CFAP263: variants seen among roughly 807,000 people sequenced by gnomAD.
CFAP263 encodes the protein cilia- and flagella-associated protein 263.
chr16:58,283,806 T>C, the CFAP263 span: 1 of 152,246 alleles, frequency 6.6e-6, no homozygotes, highest in East Asian at 1.9e-4. Flanking sequence ...CAGTCCTTCA[T>C]GTTTTGCAAT....
At chr16:58,266,405 A>ATTTT in the CFAP263 span, among the ~76,000 whole-genome samples, 7 of 31,442 alleles carry the variant, frequency 2.2e-4, no homozygotes, top group Non-Finnish European at 3.4e-4. Flanking sequence ...ATATATATAT[A>ATTTT]TTTTTTTTTT....
the CFAP263 span, chr16:58,280,507 GA>G: frequency 6.2e-7 from 1 of 1,614,200 alleles, no homozygotes; most frequent in Non-Finnish European, 8.5e-7. Context: ...TTCAGAATCA[GA>G]ATATGTCTTC....
chr16:58,261,129 G>A, the CFAP263 span, among the ~76,000 whole-genome samples: 1 of 152,186 alleles, frequency 6.6e-6, no homozygotes, highest in Non-Finnish European at 1.5e-5. Flanking sequence ...CAAGCCAGAT[G>A]TCAGGAATAG....
At chr16:58,282,628 C>T in the CFAP263 span, 1 of 152,390 alleles carries the variant, frequency 6.6e-6, no homozygotes, top group East Asian at 1.9e-4. Context: ...TTGAGGACTT[C>T]ATTCTGTGCC....
At chr16:58,263,375 T>A in the CFAP263 span, among the ~76,000 whole-genome samples, 84,624 of 152,134 alleles carry the variant, frequency 0.56, 24,001 homozygotes, top group African/African-American at 0.64. Flanking sequence ...GTACTCAGTT[T>A]TTATATTTTG....
At chr16:58,267,928 A>G in the CFAP263 span, among the ~76,000 whole-genome samples, 11 of 152,194 alleles carry the variant, frequency 7.2e-5, no homozygotes, top group South Asian at 1.9e-3. Context: ...TAATGCCCGT[A>G]GTAATGTACC....
the CFAP263 span, chr16:58,258,393 G>T: frequency 1.2e-6 from 2 of 1,613,988 alleles, no homozygotes; most frequent in Non-Finnish European, 1.7e-6. Flanking sequence ...GCTGAAATTC[G>T]ATGGAGTGAA....
At chr16:58,252,509 A>G in the CFAP263 span, among the ~76,000 whole-genome samples, 1 of 152,164 alleles carries the variant, frequency 6.6e-6, no homozygotes, top group East Asian at 1.9e-4. Flanking sequence ...AATATCAAAT[A>G]TATAGCACTT....
the CFAP263 span, chr16:58,267,510 T>A: frequency 2.5e-6 from 4 of 1,613,816 alleles, no homozygotes; most frequent in Non-Finnish European, 3.4e-6. Flanking sequence ...GAAATATACC[T>A]CAATCTGGAC....
chr16:58,274,906 A>T, the CFAP263 span, among the ~76,000 whole-genome samples: 1 of 152,026 alleles, frequency 6.6e-6, no homozygotes, highest in Non-Finnish European at 1.5e-5. Context: ...CTGGGTGGGG[A>T]TCTTAGTCGC....
At chr16:58,267,691 G>T in the CFAP263 span, 2 of 689,778 alleles carry the variant, frequency 2.9e-6, no homozygotes, top group East Asian at 5.5e-5. Context: ...GGTTTATCTA[G>T]AAAAGCCTAG....
At chr16:58,267,444 C>A in the CFAP263 span, 1 of 1,455,210 alleles carries the variant, frequency 6.9e-7, no homozygotes, top group Non-Finnish European at 9.6e-7. Context: ...GAGAGGTCAT[C>A]TTAGCTCAAG....
chr16:58,259,998 G>T, the CFAP263 span: 93 of 1,051,654 alleles, frequency 8.8e-5, 1 homozygote, highest in Non-Finnish European at 1.3e-4. Context: ...GGCTGAATAA[G>T]GTTCCCACCC....
chr16:58,278,587 G>A, the CFAP263 span: 1 of 1,614,224 alleles, frequency 6.2e-7, no homozygotes, highest in Non-Finnish European at 8.5e-7. Context: ...CTTAAATGCG[G>A]ACCTGGAGAA....
chr16:58,253,133 T>G, the CFAP263 span, among the ~76,000 whole-genome samples: 1 of 152,162 alleles, frequency 6.6e-6, no homozygotes, highest in Non-Finnish European at 1.5e-5. Flanking sequence ...GTCCCAGTGC[T>G]TTGGGAGGCT....
At chr16:58,257,014 C>CTTTTTTTTTTTTTTTTTTTT in the CFAP263 span, among the ~76,000 whole-genome samples, 8 of 41,920 alleles carry the variant, frequency 1.9e-4, 4 homozygotes, top group African/African-American at 2.4e-4. Context: ...ATATGAATTT[C>CTTTTTTTTTTTTTTTTTTTT]TTTTTTTTTT....
chr16:58,274,393 GGCAGC>G, the CFAP263 span, among the ~76,000 whole-genome samples: 8 of 152,254 alleles, frequency 5.3e-5, no homozygotes, highest in Middle Eastern at 3.4e-3. Flanking sequence ...AGTCCCCTTG[GGCAGC>G]ATTCCAGAGC....
the CFAP263 span, chr16:58,262,253 C>T: frequency 1.0e-4 from 80 of 793,188 alleles, no homozygotes; most frequent in East Asian, 2.0e-3. Context: ...CAAACAGATG[C>T]CCAATATGTG....
chr16:58,266,399 ATATATATTTTTTTTTTTTT>A, the CFAP263 span, among the ~76,000 whole-genome samples: 1 of 39,320 alleles, frequency 2.5e-5, no homozygotes, highest in Admixed American at 2.7e-4. Flanking sequence ...ATATATATAT[ATATATATTTTTTTTTTTTT>A]TTTTTTTTTT....
Sources: gnomAD v4.1 joint callset for allele counts (sites outside exome capture counted in the v4.1 genomes callset) on GRCh38, gnomAD v4.1.1 for gene constraint, MANE v1.5 for transcripts, NCBI Gene and HGNC (gene_info 2026-07-23, HGNC 2026-07-21) for gene names.